The following RELB variants were observed in gnomAD, a reference collection of about 807,000 sequenced individuals.
RELB encodes RELB proto-oncogene, NF-kB subunit, also known as transcription factor RelB.
Under a neutral mutation model 55.4 loss-of-function variants are expected in RELB, and 14 were observed. That is an observed-to-expected ratio of 0.25 (90% CI 0.17 to 0.40). RELB has a LOEUF of 0.40. Among genes scored for constraint, RELB ranks in the 10% least tolerant of loss-of-function variants. RELB has a pLI of 1.00. For missense variants in RELB, 669 were observed against 830.7 expected (o/e 0.81, Z 2.39); for synonymous variants, 409 against 371.3 (o/e 1.10, Z -1.17).
intron 4 of RELB, among the ~76,000 whole-genome samples, chr19:45,019,602 T>C (rs1256857534): frequency 6.6e-6 from 1 of 152,220 alleles, no homozygotes; most frequent in Non-Finnish European, 1.5e-5. Flanking sequence ...TAATCCAGGA[T>C]TTAACCAAGG....
chr19:45,024,433 AT>A (rs1039199063), intron 5 of RELB, among the ~76,000 whole-genome samples: 2 of 152,206 alleles, frequency 1.3e-5, no homozygotes, highest in African/African-American at 4.8e-5. Flanking sequence ...AAGTGATGGG[AT>A]TACAGGCGTG....
intron 11 of RELB, 58 bp downstream of exon 11, chr19:45,034,586 G>A: frequency 1.3e-6 from 2 of 1,481,648 alleles, no homozygotes; most frequent in Non-Finnish European, 1.8e-6. Context: ...GTAAGTGGCA[G>A]CCCTGCTTTT....
intron 4 of RELB, among the ~76,000 whole-genome samples, chr19:45,019,679 G>A (rs577376357): frequency 6.6e-6 from 1 of 151,910 alleles, no homozygotes; most frequent in Non-Finnish European, 1.5e-5. Flanking sequence ...ATGTATTTAT[G>A]TATTTATTTA....
chr19:45,027,598 C>G (rs1237041976), intron 7 of RELB, among the ~76,000 whole-genome samples: 6 of 152,152 alleles, frequency 3.9e-5, no homozygotes, highest in Non-Finnish European at 8.8e-5. Context: ...GGATGCACTG[C>G]TCTGATTGGC....
chr19:45,009,850 G>A (rs1473011889), intron 3 of RELB, 28 bp downstream of exon 3: 2 of 1,597,788 alleles, frequency 1.3e-6, no homozygotes, highest in Admixed American at 3.3e-5. Flanking sequence ...GGTTTGCGGG[G>A]AGGCTGAGGG....
chr19:45,034,361 G>T lies in RELB; in HGVS notation c.1276+49G>T, dbSNP rs772177497. ...ACCCCCATCCCCAGGTTCTGGGGAG[G>T]GGACAGCTGACCCCACTGCCCTGTC... On this transcript the variant is annotated intron_variant, in intron 10 of 11. Coordinates refer to ENST00000221452, the MANE Select transcript of RELB (RefSeq NM_006509.4). The T allele has an allele frequency of 3.6e-5, 58 of 1,607,698 alleles. No homozygotes were observed. In the East Asian group the frequency reaches 1.3e-3, roughly 35 times the overall value.
chr19:45,006,659 G>A (rs908605497), intron 2 of RELB, among the ~76,000 whole-genome samples: 7 of 151,528 alleles, frequency 4.6e-5, no homozygotes, highest in African/African-American at 1.5e-4. Flanking sequence ...CTTCATCAGC[G>A]CCATGAAAAT....
chr19:45,011,727 G>A (rs1468966440), intron 3 of RELB, among the ~76,000 whole-genome samples: 11 of 149,006 alleles, frequency 7.4e-5, no homozygotes, highest in Admixed American at 1.4e-4. Context: ...GATTACAGGC[G>A]TGAGCCACCG....
chr19:45,008,461 C>T lies in RELB; in HGVS notation c.155-1353C>T, dbSNP rs150437511. 8.5e-4 allele frequency: 386 copies of T among 456,220 alleles called. 2 individuals are homozygous for T. The highest frequency in any genetic ancestry group is 7.0e-3 in the African/African-American group (350 of 50,180). 28.3% of individuals were successfully genotyped at this position (456,220 alleles called of 1,614,324 possible). ...AACTCTGTCTTTGGGTCCCCAGGTTCATCCAGCACAGATGCCTAAGAAGGA... is the reference window on the plus strand; with the variant it reads ...AACTCTGTCTTTGGGTCCCCAGGTTTATCCAGCACAGATGCCTAAGAAGGA... On this transcript the variant is annotated intron_variant, in intron 2 of 11. Coordinates refer to ENST00000221452, the MANE Select transcript of RELB (RefSeq NM_006509.4).
rs1395186198 is a variant in RELB, at chr19:45,009,698, A to T, written c.155-116A>T. 36 of 1,207,660 alleles carry T rather than the reference A, an allele frequency of 3.0e-5. No individual in the cohort carries two copies. In the Middle Eastern group the frequency reaches 9.7e-4, roughly 33 times the overall value. The allele number at this position is 1,207,660 out of a possible 1,614,324, so 74.8% of individuals were successfully genotyped here. A position where few individuals can be genotyped will look rare whatever the true frequency, so the allele number is the denominator to read the frequency against. On this transcript the variant is annotated intron_variant, in intron 2 of 11. Transcript: ENST00000221452. ...CAGAGCCCAGGGTTTCCCAGGACGG[A>T]GGAAGACGGAAGGGTCACAGGAGGG...
rs1971212224 is a variant in RELB at position 45,001,689 on chromosome 19, A to G, written c.106+4A>G. 23 of 1,504,750 alleles carry G rather than the reference A, an allele frequency of 1.5e-5. No individual in the cohort carries two copies. Among genetic ancestry groups the G allele is most frequent in the East Asian group, 2.6e-5 (1 of 38,766 alleles). 93.2% of individuals were successfully genotyped at this position (1,504,750 alleles called of 1,614,324 possible). On this transcript the variant is annotated splice_donor_region_variant and intron_variant, in intron 1 of 11. Transcript: ENST00000221452. ...GCGCCGGAGCTGGGGGCCTTAGGTA[A>G]GCGGGGCTGGGGTTCAGGAGAGGGG...
At chr19:45,008,380 C>T (rs530329221) in intron 2 of RELB, 14 of 455,060 alleles carry the variant, frequency 3.1e-5, no homozygotes, top group Non-Finnish European at 4.9e-5. Context: ...CAGCCACAGC[C>T]GCCCAGGACT....
At chr19:45,006,824 G>A (rs1971287859) in intron 2 of RELB, among the ~76,000 whole-genome samples, 4 of 151,852 alleles carry the variant, frequency 2.6e-5, no homozygotes, top group African/African-American at 9.6e-5. Context: ...AGCTGGGTGT[G>A]GTGGCCTGTA....
chr19:45,031,131 G>C (rs1172736248), intron 8 of RELB, among the ~76,000 whole-genome samples: 1 of 152,048 alleles, frequency 6.6e-6, no homozygotes, highest in East Asian at 1.9e-4. Context: ...ATAGCAGGCA[G>C]AGTAGCATCA....
At chr19:45,015,786 T>C (rs938023687) in intron 4 of RELB, among the ~76,000 whole-genome samples, 6 of 150,632 alleles carry the variant, frequency 4.0e-5, no homozygotes, top group African/African-American at 1.2e-4. Flanking sequence ...TTTTCCACAG[T>C]CCCAACTGAC....
intron 4 of RELB, among the ~76,000 whole-genome samples, chr19:45,017,756 T>C (rs1417942135): frequency 6.7e-6 from 1 of 150,226 alleles, no homozygotes; most frequent in Non-Finnish European, 1.5e-5. Context: ...AGCAGTCCTC[T>C]TGCCTCAGCC....
Position 45,037,772 on chromosome 19 carries a change from G to A in RELB, c.1722G>A (p.Pro574=), listed in dbSNP as rs1971715186. ...EAAFGGGLLS[P]GPEAT is the part of the protein sequence containing the mutation. ...CCTTTGGGGGCGGCCTCCTATCCCC[G>A]GGGCCTGAAGCCACGTAGCCCCGCG... The change falls in exon 12 of 12, where the codon CCG becomes CCA. Residue 574 remains proline (P), a synonymous_variant. Transcript: ENST00000221452. 1.3e-6 allele frequency: 2 copies of A among 1,486,346 alleles called. No homozygotes were observed. The highest frequency in any genetic ancestry group is 1.4e-5 in the African/African-American group (1 of 69,200). The allele number at this position is 1,486,346 out of a possible 1,614,324, so 92.1% of individuals were successfully genotyped here.
chr19:45,006,596 C>T (rs1013285703), intron 2 of RELB, among the ~76,000 whole-genome samples: 13 of 152,058 alleles, frequency 8.5e-5, no homozygotes, highest in African/African-American at 3.1e-4. Context: ...CTTCAATGCT[C>T]CCAGTCTATA....
chr19:45,013,437 G>C lies in RELB; in HGVS notation c.504+1161G>C, dbSNP rs149154891. ...ATTGCAGGTGTGAGCCACTGTGCCTGGCCTCTTTGGTGTCTGTTAATCTGG... is the reference window on the plus strand; with the variant it reads ...ATTGCAGGTGTGAGCCACTGTGCCTCGCCTCTTTGGTGTCTGTTAATCTGG... On this transcript the variant is annotated intron_variant, in intron 4 of 11. Coordinates refer to ENST00000221452, the MANE Select transcript of RELB (RefSeq NM_006509.4). Among the ~76,000 whole-genome samples the C allele has an allele frequency of 6.7e-3, 998 of 148,162 alleles. 12 individuals are homozygous for C. The highest frequency in any genetic ancestry group is 0.023 in the African/African-American group (880 of 38,694).
Sources: gnomAD v4.1 joint callset for allele counts (sites outside exome capture counted in the v4.1 genomes callset) on GRCh38, gnomAD v4.1.1 for gene constraint, MANE v1.5 for transcripts, NCBI Gene and HGNC (gene_info 2026-07-23, HGNC 2026-07-21) for gene names.